The following DUSP22 variants were observed in gnomAD, a reference collection of about 807,000 sequenced individuals.
The protein encoded by DUSP22 is dual specificity phosphatase 22, also known as dual specificity protein phosphatase 22.
A neutral mutation model predicts 24.5 loss-of-function variants in DUSP22; 24 were observed. The ratio of observed to expected loss-of-function variants is 0.98; its 90% confidence interval spans 0.71 to 1.38. The LOEUF is 1.38. DUSP22 is among the 40% of genes most tolerant of loss of function. The pLI is 0.00. For missense variants in DUSP22, 330 were observed against 269.2 expected (o/e 1.23, Z -1.58); for synonymous variants, 160 against 106.4 (o/e 1.50, Z -3.10).
At chr6:325,458 G>A in intron 3 of DUSP22, 1 of 221,512 alleles carries the variant, frequency 4.5e-6, no homozygotes, top group Non-Finnish European at 8.3e-6. Context: ...TCTGCCCTGG[G>A]CTTCCGTATC....
At chr6:328,992 T>C (rs1021486883) in intron 3 of DUSP22, among the ~76,000 whole-genome samples, 26 of 152,412 alleles carry the variant, frequency 1.7e-4, no homozygotes, top group Admixed American at 1.3e-4. Flanking sequence ...TGTTATGGGC[T>C]ATGTGAAAGT....
At chr6:323,607 C>A (rs555872389) in intron 3 of DUSP22, among the ~76,000 whole-genome samples, 1 of 152,300 alleles carries the variant, frequency 6.6e-6, no homozygotes, top group African/African-American at 2.4e-5. Context: ...AAGGAGAGGA[C>A]GCGGGGAAGT....
In DUSP22 at chr6:348,969, C is replaced by T. The variant is rs1375307461; in HGVS notation, c.*18C>T. The T allele has an allele frequency of 3.8e-6, 6 of 1,565,314 alleles. No homozygotes were observed. The highest frequency in any genetic ancestry group is 2.4e-5 in the East Asian group (1 of 41,664). The stretch of plus-strand genomic sequence containing the variant: ...AGACCTAACGCAAGCGACCTGCTGC[C>T]TTCCTTCCCACTGCTTGTCTTCAGT... On this transcript the variant is annotated 3_prime_UTR_variant, in exon 7 of 7. Transcript: ENST00000419235.
chr6:298,579 T>G (rs535750825), intron 1 of DUSP22, among the ~76,000 whole-genome samples: 91 of 152,382 alleles, frequency 6.0e-4, no homozygotes, highest in African/African-American at 2.1e-3. Flanking sequence ...TGGCTGAGGA[T>G]TTGTGTTTTT....
intron 3 of DUSP22, among the ~76,000 whole-genome samples, chr6:315,167 G>C (rs900188045): frequency 1.3e-5 from 2 of 152,308 alleles, no homozygotes; most frequent in Non-Finnish European, 2.9e-5. Flanking sequence ...AGTAGCTAAG[G>C]GGTAGACCTT....
intron 1 of DUSP22, among the ~76,000 whole-genome samples, chr6:293,039 T>G (rs774960239): frequency 2.0e-4 from 31 of 152,286 alleles, no homozygotes; most frequent in Non-Finnish European, 4.1e-4. Context: ...GTTTTTCTTG[T>G]GGACAGAGAA....
chr6:340,840 T>C (rs1351927219), intron 4 of DUSP22, among the ~76,000 whole-genome samples: 3 of 152,304 alleles, frequency 2.0e-5, no homozygotes, highest in African/African-American at 7.2e-5. Flanking sequence ...GATCCTACAG[T>C]GGGGATTGAG....
chr6:307,444 C>T (rs556850697), intron 2 of DUSP22, among the ~76,000 whole-genome samples: 50 of 152,414 alleles, frequency 3.3e-4, no homozygotes, highest in East Asian at 7.7e-4. Context: ...GGTTTTGTAG[C>T]GCCTGGTGAT....
At chr6:300,288 T>G (rs1312207916) in intron 1 of DUSP22, among the ~76,000 whole-genome samples, 3 of 152,272 alleles carry the variant, frequency 2.0e-5, no homozygotes, top group African/African-American at 7.2e-5. Flanking sequence ...GCCTTCGGGC[T>G]CGGGCTCAGG....
In DUSP22 at chr6:345,890, C is replaced by T. The variant is rs369153482; in HGVS notation, c.225C>T (p.His75=). ...TCAAAGAAAGTATTAAATTCATTCA[C>T]GAGTGCCGGCTCCGCGGTGAGAGCT... The part of the protein sequence containing the change: ...RHFKESIKFI[H]ECRLRGESCL... Residue 75 remains histidine (H), a synonymous_variant, in exon 5 of 7, where the codon CAC becomes CAT. Transcript: ENST00000419235. 8.4e-5 allele frequency: 136 copies of T among 1,614,028 alleles called. No individual in the cohort carries two copies. The highest frequency in any genetic ancestry group is 1.0e-4 in the Admixed American group (6 of 60,016).
chr6:307,312 C>A (rs1561652198), intron 2 of DUSP22, among the ~76,000 whole-genome samples: 1 of 152,162 alleles, frequency 6.6e-6, no homozygotes, highest in Non-Finnish European at 1.5e-5. Flanking sequence ...TTCCTTTCTT[C>A]CCTCCCCACT....
chr6:310,104 G>A (rs952682265), intron 2 of DUSP22, among the ~76,000 whole-genome samples: 1 of 152,294 alleles, frequency 6.6e-6, no homozygotes, highest in Admixed American at 6.5e-5. Context: ...GGGTTTACAG[G>A]TGCACACCAC....
intron 4 of DUSP22, among the ~76,000 whole-genome samples, chr6:341,747 G>A (rs1759618294): frequency 6.6e-6 from 1 of 152,304 alleles, no homozygotes; most frequent in African/African-American, 2.4e-5. Context: ...ATGTCCTGTG[G>A]GCTCTACTGG....
chr6:302,210 C>T (rs1049678056), intron 1 of DUSP22, among the ~76,000 whole-genome samples: 5 of 152,424 alleles, frequency 3.3e-5, no homozygotes, highest in Non-Finnish European at 7.3e-5. Context: ...GTTTTTCATA[C>T]CATTTTCAAG....
chr6:296,852 C>G (rs1187281806), intron 1 of DUSP22, among the ~76,000 whole-genome samples: 2 of 152,310 alleles, frequency 1.3e-5, no homozygotes, highest in Non-Finnish European at 2.9e-5. Flanking sequence ...TTGCCCTCCA[C>G]TGACTGCCAG....
At chr6:331,350 A>T (rs994492507) in intron 3 of DUSP22, among the ~76,000 whole-genome samples, 1 of 152,304 alleles carries the variant, frequency 6.6e-6, no homozygotes, top group African/African-American at 2.4e-5. Context: ...AATACCTTAC[A>T]GCAAACACTG....
intron 3 of DUSP22, among the ~76,000 whole-genome samples, chr6:324,386 C>T (rs1374579028): frequency 3.3e-5 from 5 of 152,312 alleles, no homozygotes; most frequent in Admixed American, 1.3e-4. Context: ...GCTCTCCCAC[C>T]CACACCTGCT....
At chr6:308,351 G>A (rs6905096) in intron 2 of DUSP22, among the ~76,000 whole-genome samples, 12 of 152,296 alleles carry the variant, frequency 7.9e-5, no homozygotes, top group East Asian at 1.9e-4. Flanking sequence ...ATTGTAGGTC[G>A]CCTTCCAGGA....
At chr6:317,151 G>A (rs981274924) in intron 3 of DUSP22, among the ~76,000 whole-genome samples, 1 of 152,308 alleles carries the variant, frequency 6.6e-6, no homozygotes, top group Non-Finnish European at 1.5e-5. Flanking sequence ...CTGTGTGCCT[G>A]TACTTCTGTC....
Sources: gnomAD v4.1 joint callset for allele counts (sites outside exome capture counted in the v4.1 genomes callset) on GRCh38, gnomAD v4.1.1 for gene constraint, MANE v1.5 for transcripts, NCBI Gene and HGNC (gene_info 2026-07-23, HGNC 2026-07-21) for gene names.